FAM120A: variants seen among roughly 807,000 people sequenced by gnomAD.
FAM120A encodes constitutive coactivator of PPAR-gamma-like protein 1.
Under a neutral mutation model 109.7 loss-of-function variants are expected in FAM120A, and 15 were observed. That is an observed-to-expected ratio of 0.14 (90% CI 0.09 to 0.21). The LOEUF is 0.21. FAM120A is among the 10% of genes least tolerant of loss of function. The pLI is 1.00. For synonymous variants in FAM120A, 493 were observed against 572.8 expected, an observed-to-expected ratio of 0.86 and a Z score of 1.99; for missense variants, 899 against 1,439.3, an observed-to-expected ratio of 0.62 and a Z score of 6.07.
chr9:93,501,825 AT>A, intron 5 of FAM120A, among the ~76,000 whole-genome samples: 1 of 152,234 alleles, frequency 6.6e-6, no homozygotes. Context: ...TCTTGTAAAA[AT>A]AACTTTAGTT....
At chr9:93,522,544 T>G (rs565010046) in intron 7 of FAM120A, among the ~76,000 whole-genome samples, 2 of 152,380 alleles carry the variant, frequency 1.3e-5, no homozygotes, top group Admixed American at 1.3e-4. Flanking sequence ...TTTAATAAGA[T>G]CTATATACAT....
chr9:93,475,571 G>T (rs747949936), intron 2 of FAM120A, among the ~76,000 whole-genome samples: 2 of 152,156 alleles, frequency 1.3e-5, no homozygotes. Context: ...GGTATACCAG[G>T]CATACGAACA....
chr9:93,554,086 A>ATTCTT lies in FAM120A; in HGVS notation c.2275-2296_2275-2295insTTCTT, dbSNP rs1482628632. Reference sequence around the variant, plus strand: ...TATAAATAACATTTAAAAAATTCTTAAAAGTATAATCCTTTAATGTTAAGG... The same window carrying ATTCTT: ...TATAAATAACATTTAAAAAATTCTTATTCTTAAAGTATAATCCTTTAATGTTAAGG... On this transcript the variant is annotated intron_variant, in intron 12 of 17. Coordinates refer to ENST00000277165, the MANE Select transcript of FAM120A (RefSeq NM_014612.5). Among the ~76,000 whole-genome samples the ATTCTT allele has an allele frequency of 5.4e-5, 8 of 148,136 alleles. No individual in the cohort carries two copies. In the East Asian group the frequency reaches 1.6e-3, roughly 30 times the overall value.
Position 93,452,268 on chromosome 9 carries a change from C to A in FAM120A, c.353C>A (p.Thr118Lys), listed in dbSNP as rs748792452. Residue 118 changes from threonine to lysine, a missense_variant, in exon 1 of 18, where the codon ACG becomes AAG. By Grantham distance (78) the Thr-to-Lys change is moderately conservative. Around this residue, in one of 11 missense-constraint regions of FAM120A, gnomAD observed 258 missense variants for 451.4 expected, o/e 0.57. Transcript: ENST00000277165. The surrounding 1 kb of genome is among the most constrained non-coding windows in gnomAD (Gnocchi z 7.0). ...WVKRQGNERQ[T>K]AQQIVSHVQN... The stretch of plus-strand genomic sequence containing the variant: ...AAGCGGCAGGGCAACGAGCGCCAGA[C>A]GGCACAGCAGATCGTCAGCCATGTC... 6.2e-7 allele frequency: 1 copy of A among 1,612,176 alleles called. No homozygotes were observed. The highest frequency in any genetic ancestry group is 8.5e-7 in the Non-Finnish European group (1 of 1,179,750).
At chr9:93,561,879 CA>C (rs1378545260) in intron 16 of FAM120A, among the ~76,000 whole-genome samples, 10 of 152,166 alleles carry the variant, frequency 6.6e-5, no homozygotes, top group African/African-American at 2.4e-4. Context: ...AGATGTAGCT[CA>C]GGGGTAGAGC....
At chr9:93,505,896 GTT>G (rs10539482) in intron 5 of FAM120A, among the ~76,000 whole-genome samples, 79,353 of 151,866 alleles carry the variant, frequency 0.52, 21,017 homozygotes, top group East Asian at 0.59. Flanking sequence ...TTTGTTTATG[GTT>G]TTTGAGTGAG....
At chr9:93,543,773 A>G (rs957210507) in intron 11 of FAM120A, among the ~76,000 whole-genome samples, 1 of 152,214 alleles carries the variant, frequency 6.6e-6, no homozygotes, top group Non-Finnish European at 1.5e-5. Flanking sequence ...TTTGAAGGCT[A>G]TAAGAGGGGA....
chr9:93,560,102 G>T (rs1223225819), intron 15 of FAM120A, among the ~76,000 whole-genome samples: 1 of 152,096 alleles, frequency 6.6e-6, no homozygotes, highest in African/African-American at 2.4e-5. Flanking sequence ...AGACCAGCCT[G>T]GGCAATATAG....
At chr9:93,557,783 C>G in intron 13 of FAM120A, 44 bp from the exon 14 acceptor site, 6 of 1,565,908 alleles carry the variant, frequency 3.8e-6, no homozygotes, top group Non-Finnish European at 5.2e-6. Context: ...TCAATTAAAA[C>G]CCCCTGTGGA....
intron 12 of FAM120A, among the ~76,000 whole-genome samples, chr9:93,551,112 T>C (rs1588907850): frequency 6.6e-6 from 1 of 152,202 alleles, no homozygotes; most frequent in Non-Finnish European, 1.5e-5. Flanking sequence ...ATTACAACTT[T>C]AGTTTTCTCT....
At chr9:93,521,442 CATG>C (rs1392321903) in intron 7 of FAM120A, among the ~76,000 whole-genome samples, 1 of 152,072 alleles carries the variant, frequency 6.6e-6, no homozygotes, top group Non-Finnish European at 1.5e-5. Flanking sequence ...ATTAGCCAGA[CATG>C]GTGGCATGTG....
At chr9:93,546,172 A>G in intron 11 of FAM120A, among the ~76,000 whole-genome samples, 1 of 152,326 alleles carries the variant, frequency 6.6e-6, no homozygotes, top group South Asian at 2.1e-4. Flanking sequence ...TAATAACAAT[A>G]TTATATTCAT....
At chr9:93,527,104 A>G in intron 7 of FAM120A, 51 bp from the exon 8 acceptor site, 6 of 1,492,610 alleles carry the variant, frequency 4.0e-6, no homozygotes, top group Non-Finnish European at 5.6e-6. Flanking sequence ...TATCATTGTC[A>G]GCTGGTTTGT....
chr9:93,462,368 C>T (rs1234358159), intron 1 of FAM120A, among the ~76,000 whole-genome samples: 2 of 132,162 alleles, frequency 1.5e-5, no homozygotes, highest in African/African-American at 6.2e-5. Flanking sequence ...GCAACCTCTG[C>T]CTCCCGGGTG....
At chr9:93,510,999 C>G (rs1467185699) in intron 5 of FAM120A, among the ~76,000 whole-genome samples, 2 of 151,632 alleles carry the variant, frequency 1.3e-5, no homozygotes, top group Non-Finnish European at 2.9e-5. Context: ...AGCCCAGCTC[C>G]CTGCTGTAGA....
chr9:93,499,208 G>C (rs534747691), intron 5 of FAM120A, among the ~76,000 whole-genome samples: 2 of 152,072 alleles, frequency 1.3e-5, no homozygotes, highest in South Asian at 4.2e-4. Context: ...GACGTAGAAG[G>C]GCCTCCACAA....
chr9:93,539,218 C>T (rs942017916), intron 10 of FAM120A, among the ~76,000 whole-genome samples: 4 of 152,038 alleles, frequency 2.6e-5, no homozygotes, highest in African/African-American at 7.2e-5. Context: ...AGGATGGTCT[C>T]GATCTCCTGA....
rs554756226 is a variant in FAM120A, at chr9:93,562,671, T to C, written c.3045+367T>C. On this transcript the variant is annotated intron_variant, in intron 17 of 17. Coordinates refer to ENST00000277165, the MANE Select transcript of FAM120A (RefSeq NM_014612.5). ...TTTTTCTTTCTTTCTTTTTCTTTTT[T>C]TTTTTTTTTTTGAGATGGAGTCTCG... is the stretch of plus-strand genomic sequence containing the variant. 4.1e-4 allele frequency among the ~76,000 whole-genome samples: 61 copies of C among 148,968 alleles called. 1 individual carries two copies. Among genetic ancestry groups the C allele is most frequent in the South Asian group, 2.1e-4 (1 of 4,672 alleles).
chr9:93,534,854 T>C (rs1308988850), intron 10 of FAM120A, among the ~76,000 whole-genome samples: 1 of 152,044 alleles, frequency 6.6e-6, no homozygotes, highest in East Asian at 1.9e-4. Context: ...GCAGGAAGGA[T>C]TGGGGGTAAG....
Sources: allele counts gnomAD v4.1 joint callset (sites outside exome capture counted in the v4.1 genomes callset), GRCh38; gene constraint gnomAD v4.1.1; regional missense constraint gnomAD v4.1.1; non-coding constraint Gnocchi (gnomAD v3.1); transcripts MANE v1.5; gene names NCBI Gene and HGNC (gene_info 2026-07-23, HGNC 2026-07-21).